The following CRY1 variants were observed in gnomAD, a reference collection of about 807,000 sequenced individuals.
CRY1 encodes the protein cryptochrome circadian regulator 1, also known as cryptochrome-1.
Under a neutral mutation model 76.0 loss-of-function variants are expected in CRY1, and 45 were observed. The observed-to-expected ratio is 0.59, with a 90% CI of 0.47 to 0.76. CRY1 has a LOEUF of 0.76. CRY1 is among the 30% of genes least tolerant of loss of function. The probability of loss-of-function intolerance (pLI) is 0.00; values close to 1 mark genes in which losing one functional copy is unlikely to be tolerated. For missense variants in CRY1, 587 were observed against 716.4 expected (o/e 0.82, Z 2.06); for synonymous variants, 248 against 244.0 (o/e 1.02, Z -0.15).
At chr12:107,078,752 T>C (rs1187936789) in intron 1 of CRY1, among the ~76,000 whole-genome samples, 1 of 152,160 alleles carries the variant, frequency 6.6e-6, no homozygotes, top group African/African-American at 2.4e-5. Flanking sequence ...ACCTATGGTC[T>C]ATTTCTGTGT....
chr12:107,065,561 C>T (rs535749397), intron 1 of CRY1, among the ~76,000 whole-genome samples: 45 of 152,060 alleles, frequency 3.0e-4, no homozygotes, highest in African/African-American at 1.1e-3. Flanking sequence ...CGCCATTGCA[C>T]TCCAGCCTGG....
chr12:107,011,335 G>A (rs1375579716), intron 2 of CRY1, among the ~76,000 whole-genome samples: 4 of 149,520 alleles, frequency 2.7e-5, no homozygotes, highest in South Asian at 2.1e-4. Context: ...GGGCAACAGG[G>A]CAAGACTCTG....
intron 1 of CRY1, among the ~76,000 whole-genome samples, chr12:107,091,069 G>A (rs1216891433): frequency 6.6e-6 from 1 of 150,734 alleles, no homozygotes; most frequent in Non-Finnish European, 1.5e-5. Flanking sequence ...TTGCGACAGA[G>A]TACTCTGTCA....
chr12:107,023,301 C>T (rs1952577656), intron 1 of CRY1, among the ~76,000 whole-genome samples: 3 of 152,248 alleles, frequency 2.0e-5, no homozygotes, highest in Non-Finnish European at 2.9e-5. Context: ...CCAAAAGGCA[C>T]ATGTAGCCAT....
chr12:107,016,785 T>C (rs1182734557), intron 2 of CRY1, among the ~76,000 whole-genome samples: 1 of 152,206 alleles, frequency 6.6e-6, no homozygotes, highest in Non-Finnish European at 1.5e-5. Context: ...ATTTTTTCCT[T>C]AAACTTGTTC....
intron 1 of CRY1, among the ~76,000 whole-genome samples, chr12:107,062,396 C>G (rs953622392): frequency 3.3e-5 from 5 of 152,066 alleles, no homozygotes; most frequent in East Asian, 1.9e-4. Context: ...ACTACCAACT[C>G]TTTTTTCTGA....
chr12:107,064,412 T>C (rs960230634), intron 1 of CRY1, among the ~76,000 whole-genome samples: 2 of 152,124 alleles, frequency 1.3e-5, no homozygotes, highest in African/African-American at 4.8e-5. Context: ...CACATACTTA[T>C]TAGAATGGGA....
intron 1 of CRY1, among the ~76,000 whole-genome samples, chr12:107,056,492 C>T (rs988776201): frequency 2.6e-5 from 4 of 152,134 alleles, no homozygotes; most frequent in Non-Finnish European, 5.9e-5. Flanking sequence ...CTGTGGCCTG[C>T]GGGCTGCATG....
At position 107,000,014 on chromosome 12, in the gene CRY1, A is replaced by T. The variant is rs939136562; in HGVS notation, c.753T>A (p.Leu251=). 2.5e-6 allele frequency: 4 copies of T among 1,613,328 alleles called. No individual in the cohort carries two copies. The highest frequency in any genetic ancestry group is 3.4e-6 in the Non-Finnish European group (4 of 1,179,880). ...AACAACCAAATCGGAGATAAGGACT[A>T]AGTCCAGTAGGGCTTGCAAGCAGAG... is the stretch of plus-strand genomic sequence containing the variant. ...ANSLLASPTG[L]SPYLRFGCLS... Residue 251 remains leucine, a synonymous_variant, in exon 6 of 13, where the codon CTT becomes CTA. Transcript: ENST00000008527.
At chr12:107,056,224 G>A (rs555041577) in intron 1 of CRY1, among the ~76,000 whole-genome samples, 6 of 152,336 alleles carry the variant, frequency 3.9e-5, no homozygotes, top group South Asian at 4.1e-4. Context: ...GCTAGACATC[G>A]TTAGGGAAGA....
intron 1 of CRY1, among the ~76,000 whole-genome samples, chr12:107,035,338 T>C (rs914774125): frequency 2.6e-5 from 4 of 152,174 alleles, no homozygotes; most frequent in African/African-American, 9.7e-5. Context: ...TAACAATTTA[T>C]TGAGAGCCTA....
At chr12:107,016,070 G>A (rs1310582700) in intron 2 of CRY1, among the ~76,000 whole-genome samples, 3 of 152,182 alleles carry the variant, frequency 2.0e-5, no homozygotes, top group Admixed American at 6.6e-5. Context: ...AGCACTTTGG[G>A]AGGCAAAGGC....
At chr12:107,038,228 T>C (rs1952758988) in intron 1 of CRY1, among the ~76,000 whole-genome samples, 2 of 152,104 alleles carry the variant, frequency 1.3e-5, no homozygotes, top group Non-Finnish European at 2.9e-5. Flanking sequence ...GATGACTAAG[T>C]CTGGAGTTCA....
intron 2 of CRY1, among the ~76,000 whole-genome samples, chr12:107,016,873 C>T (rs1405167383): frequency 6.6e-6 from 1 of 152,216 alleles, no homozygotes; most frequent in Non-Finnish European, 1.5e-5. Context: ...TCATCCTTGA[C>T]TCTCATATAT....
chr12:107,054,915 A>G (rs904427959), intron 1 of CRY1, among the ~76,000 whole-genome samples: 1 of 152,116 alleles, frequency 6.6e-6, no homozygotes, highest in African/African-American at 2.4e-5. Context: ...TAAAGTAAAA[A>G]TGACAGAGCT....
intron 1 of CRY1, among the ~76,000 whole-genome samples, chr12:107,077,920 C>T (rs1254507624): frequency 2.0e-5 from 3 of 152,002 alleles, no homozygotes; most frequent in African/African-American, 7.3e-5. Context: ...TCAAAGTTCA[C>T]CAAAAGCCTT....
chr12:107,078,742 A>G (rs932720996), intron 1 of CRY1, among the ~76,000 whole-genome samples: 1 of 151,976 alleles, frequency 6.6e-6, no homozygotes, highest in Non-Finnish European at 1.5e-5. Context: ...TTCCTCACCT[A>G]CCTATGGTCT....
intron 1 of CRY1, among the ~76,000 whole-genome samples, chr12:107,056,604 C>T (rs1952985597): frequency 6.6e-6 from 1 of 151,712 alleles, no homozygotes; most frequent in African/African-American, 2.4e-5. Flanking sequence ...AGCTCATCAG[C>T]TATCATTAAT....
chr12:107,046,559 G>A (rs1952851596), intron 1 of CRY1, among the ~76,000 whole-genome samples: 1 of 152,084 alleles, frequency 6.6e-6, no homozygotes, highest in African/African-American at 2.4e-5. Flanking sequence ...ATAATAAATT[G>A]ATTAAATTCC....
Sources: allele counts gnomAD v4.1 joint callset (sites outside exome capture counted in the v4.1 genomes callset), GRCh38; gene constraint gnomAD v4.1.1; transcripts MANE v1.5; gene names NCBI Gene and HGNC (gene_info 2026-07-23, HGNC 2026-07-21).